LSM8: variants seen among roughly 807,000 people sequenced by gnomAD.
LSM8 encodes the protein LSM8 U6 small nuclear RNA associated.
Under a neutral mutation model 15.0 loss-of-function variants are expected in LSM8, and 14 were observed. That is an observed-to-expected ratio of 0.93 (90% CI 0.62 to 1.46). The LOEUF (loss-of-function observed/expected upper bound fraction) is 1.46, where lower values mean the gene tolerates loss of function less well. LSM8 is among the 40% of genes most tolerant of loss of function. The pLI is 0.00. For synonymous variants in LSM8, 50 were observed against 42.1 expected, an observed-to-expected ratio of 1.19 and a Z score of -0.73; for missense variants, 90 against 115.4, an observed-to-expected ratio of 0.78 and a Z score of 1.01.
chr7:118,199,395 T>C lies in LSM8; in HGVS notation c.*7393T>C, dbSNP rs1241117786. 6.6e-6 allele frequency among the ~76,000 whole-genome samples: 1 copy of C among 152,148 alleles called. No homozygotes were observed. The highest frequency in any genetic ancestry group is 2.4e-5 in the African/African-American group (1 of 41,442). On this transcript the variant is annotated 3_prime_UTR_variant, in exon 4 of 4. Transcript: ENST00000249299. ...ACGTTTAAGGGAACATGAATTTGGATGCATTGAACAGAATTGGTAACCTGA... is the reference window on the plus strand; with the variant it reads ...ACGTTTAAGGGAACATGAATTTGGACGCATTGAACAGAATTGGTAACCTGA...
chr7:118,188,521 T>C, intron 3 of LSM8, 116 bp downstream of exon 3: 1 of 928,396 alleles, frequency 1.1e-6, no homozygotes, highest in Non-Finnish European at 1.5e-6. Context: ...AATCTTGCAT[T>C]CATTTCTTTC....
chr7:118,186,983 A>G (rs942768661), intron 2 of LSM8, among the ~76,000 whole-genome samples: 9 of 152,226 alleles, frequency 5.9e-5, no homozygotes, highest in African/African-American at 2.2e-4. Context: ...TTAAAGAAGA[A>G]TGAAAGTGAT....
At position 118,199,645 on chromosome 7, in the gene LSM8, C is replaced by T. The variant is rs536509721; in HGVS notation, c.*7643C>T. ...AGTAACTTTGCAACAATCTGTTCAACAATGAGAGTTACCAAATGCCAGACA... is the reference window on the plus strand; with the variant it reads ...AGTAACTTTGCAACAATCTGTTCAATAATGAGAGTTACCAAATGCCAGACA... On this transcript the variant is annotated 3_prime_UTR_variant, in exon 4 of 4. Transcript: ENST00000249299. 2.0e-5 allele frequency among the ~76,000 whole-genome samples: 3 copies of T among 152,190 alleles called. No homozygotes were observed. In the South Asian group the frequency reaches 6.2e-4, roughly 32 times the overall value.
intron 2 of LSM8, among the ~76,000 whole-genome samples, chr7:118,187,369 T>C (rs1241597650): frequency 6.6e-6 from 1 of 152,220 alleles, no homozygotes; most frequent in Non-Finnish European, 1.5e-5. Context: ...TATTCAATAC[T>C]AAGCTTTCAT....
intron 2 of LSM8, among the ~76,000 whole-genome samples, chr7:118,186,178 C>CAT (rs74273930): frequency 6.6e-6 from 1 of 152,026 alleles, no homozygotes; most frequent in African/African-American, 2.4e-5. Context: ...TATATATACA[C>CAT]ATATATATGT....
Position 118,196,281 on chromosome 7 carries a change from G to A in LSM8, c.*4279G>A, listed in dbSNP as rs1419946814. Among the ~76,000 whole-genome samples the A allele has an allele frequency of 6.6e-6, 1 of 152,148 alleles. No individual in the cohort carries two copies. Among genetic ancestry groups the A allele is most frequent in the Non-Finnish European group, 1.5e-5 (1 of 68,032 alleles). On this transcript the variant is annotated 3_prime_UTR_variant, in exon 4 of 4. Transcript: ENST00000249299. ...TCTTGACTCAGATTTACTGTCGAAG[G>A]TCGTGTTATTTCATCAGATTCTTTC... is the stretch of plus-strand genomic sequence containing the variant.
At chr7:118,187,030 T>C (rs978375320) in intron 2 of LSM8, among the ~76,000 whole-genome samples, 1 of 152,210 alleles carries the variant, frequency 6.6e-6, no homozygotes, top group African/African-American at 2.4e-5. Flanking sequence ...TCAGTAGTTC[T>C]GTATTTCTTT....
chr7:118,184,781 TAAC>T (rs1344289490), intron 1 of LSM8: 1 of 152,298 alleles, frequency 6.6e-6, no homozygotes, highest in Non-Finnish European at 1.5e-5. Flanking sequence ...GAGGAGCAAG[TAAC>T]AACCCCATGG....
In LSM8 at chr7:118,198,876, A is replaced by G. The variant is rs1691609856; in HGVS notation, c.*6874A>G. On this transcript the variant is annotated 3_prime_UTR_variant, in exon 4 of 4. Coordinates refer to ENST00000249299, the MANE Select transcript of LSM8 (RefSeq NM_016200.5). ...GCCTGAGACCATAGGCCTTGCTGTT[A>G]CAGTTTAAGCTCTGGGAAACGAGAT... Among the ~76,000 whole-genome samples, 1 of 152,170 alleles carries G rather than the reference A, an allele frequency of 6.6e-6. No individual in the cohort carries two copies. The highest frequency in any genetic ancestry group is 1.5e-5 in the Non-Finnish European group (1 of 68,032).
At position 118,203,738 on chromosome 7, in the gene LSM8, AGT is replaced by A. The variant is rs1234134259; in HGVS notation, c.*11737_*11738del. 6.6e-6 allele frequency among the ~76,000 whole-genome samples: 1 copy of A among 151,860 alleles called. No individual in the cohort carries two copies. Among genetic ancestry groups the A allele is most frequent in the East Asian group, 1.9e-4 (1 of 5,194 alleles). On this transcript the variant is annotated 3_prime_UTR_variant, in exon 4 of 4. Transcript: ENST00000249299. Reference sequence around the variant, plus strand: ...TTTTATGATTCTATAGTAACAGTTTAGTTGAGAAAATAAATCATAATTTGTGA... The same window carrying A: ...TTTTATGATTCTATAGTAACAGTTTATGAGAAAATAAATCATAATTTGTGA...
Position 118,191,897 on chromosome 7 carries a change from C to T in LSM8, c.201-15C>T, listed in dbSNP as rs1197987774. The T allele has an allele frequency of 6.3e-7, 1 of 1,584,784 alleles. No homozygotes were observed. The highest frequency in any genetic ancestry group is 2.2e-5 in the East Asian group (1 of 44,566). ...TATTTCAGAAATGTGATTGTTTTAA[C>T]TCTGACTTTTTTAGTGCAGTCATTG... On this transcript the variant is annotated splice_polypyrimidine_tract_variant and intron_variant, in intron 3 of 3. Transcript: ENST00000249299.
Position 118,201,018 on chromosome 7 carries a change from C to T in LSM8, c.*9016C>T, listed in dbSNP as rs1022701786. On this transcript the variant is annotated 3_prime_UTR_variant, in exon 4 of 4. Transcript: ENST00000249299. ...TGACTTGAAATTTGTGATACTTCAACTTGTGCTAGGTTGTAGTTTTGCTTG... is the reference window on the plus strand; with the variant it reads ...TGACTTGAAATTTGTGATACTTCAATTTGTGCTAGGTTGTAGTTTTGCTTG... Among the ~76,000 whole-genome samples, 4 of 152,056 alleles carry T rather than the reference C, an allele frequency of 2.6e-5. No homozygotes were observed. Among genetic ancestry groups the T allele is most frequent in the South Asian group, 4.1e-4 (2 of 4,830 alleles).
chr7:118,184,335 C>CCTGGG, intron 1 of LSM8, 81 bp downstream of exon 1: 2 of 1,381,312 alleles, frequency 1.4e-6, no homozygotes. Context: ...GGTTGGGAGG[C>CCTGGG]CTGGCCTCGG....
At chr7:118,185,307 T>C (rs1293715634) in intron 1 of LSM8, 2 of 198,894 alleles carry the variant, frequency 1.0e-5, no homozygotes. Flanking sequence ...TTGCCCAGGC[T>C]GGAGTGCAGT....
chr7:118,188,168 A>G (rs1196343335), intron 2 of LSM8, 110 bp from the exon 3 acceptor site: 6 of 1,230,748 alleles, frequency 4.9e-6, no homozygotes, highest in Middle Eastern at 1.9e-4. Flanking sequence ...TTGCCGTCGT[A>G]TAGGTACTTG....
rs62466512 is a variant in LSM8, at chr7:118,196,982, G to A, written c.*4980G>A. On this transcript the variant is annotated 3_prime_UTR_variant, in exon 4 of 4. Coordinates refer to ENST00000249299, the MANE Select transcript of LSM8 (RefSeq NM_016200.5). ...GACCTCGTGATCTGCCCACTTCGGC[G>A]TCCCAAAGTGCTGGAATTACAGGCA... 1.1e-4 allele frequency among the ~76,000 whole-genome samples: 16 copies of A among 151,596 alleles called. No homozygotes were observed. Among genetic ancestry groups the A allele is most frequent in the Non-Finnish European group, 2.1e-4 (14 of 67,894 alleles).
At position 118,197,436 on chromosome 7, in the gene LSM8, G is replaced by A. The variant is rs1809099842; in HGVS notation, c.*5434G>A. Among the ~76,000 whole-genome samples the A allele has an allele frequency of 7.0e-6, 1 of 142,378 alleles. No individual in the cohort carries two copies. The highest frequency in any genetic ancestry group is 2.1e-4 in the East Asian group (1 of 4,836). The allele number at this position is 142,378 out of a possible 152,430, so 93.4% of individuals were successfully genotyped here. A position where few individuals can be genotyped will look rare whatever the true frequency, so the allele number is the denominator to read the frequency against. On this transcript the variant is annotated 3_prime_UTR_variant, in exon 4 of 4. Transcript: ENST00000249299. ...TATGAAAATATGCACAAGCTATCAT[G>A]TTTCATCTCATATCAACAAAATGAT...
chr7:118,188,369 T>C lies in LSM8; in HGVS notation c.164T>C (p.Val55Ala). 1 of 1,613,148 alleles carries C rather than the reference T, an allele frequency of 6.2e-7. No individual in the cohort carries two copies. Among genetic ancestry groups the C allele is most frequent in the Non-Finnish European group, 8.5e-7 (1 of 1,179,172 alleles). Residue 55 changes from valine (V) to alanine (A), a missense_variant, in exon 3 of 4, where the codon GTG becomes GCG. Val to Ala is a moderately conservative substitution (Grantham distance 64). Transcript: ENST00000249299. The stretch of plus-strand genomic sequence containing the variant: ...AGCTCTTCACAGGGGGTAGAACAAG[T>C]GGTACTAGGATTATACATTGTAAGA... ...VFSSSQGVEQ[V>A]VLGLYIVRGD...
At position 118,200,223 on chromosome 7, in the gene LSM8, T is replaced by C. The variant is rs1203070361; in HGVS notation, c.*8221T>C. Among the ~76,000 whole-genome samples the C allele has an allele frequency of 1.3e-5, 2 of 152,262 alleles. No homozygotes were observed. The highest frequency in any genetic ancestry group is 3.9e-4 in the East Asian group (2 of 5,184). ...GGACTAGGTATCCAAGTGCACATTA[T>C]ATTGGCTTTGTAGAGCCATTGGAGG... On this transcript the variant is annotated 3_prime_UTR_variant, in exon 4 of 4. Coordinates refer to ENST00000249299, the MANE Select transcript of LSM8 (RefSeq NM_016200.5).
Sources: allele counts gnomAD v4.1 joint callset (sites outside exome capture counted in the v4.1 genomes callset), GRCh38; gene constraint gnomAD v4.1.1; transcripts MANE v1.5; gene names NCBI Gene and HGNC (gene_info 2026-07-23, HGNC 2026-07-21).